DNASE1L3: variants seen among roughly 807,000 people sequenced by gnomAD.
DNASE1L3 encodes deoxyribonuclease 1L3, also known as deoxyribonuclease gamma.
In DNASE1L3, 27 loss-of-function variants were observed where a neutral mutation model predicts 30.9. The ratio of observed to expected loss-of-function variants is 0.87; its 90% CI spans 0.64 to 1.20. The LOEUF is 1.20. Among genes scored for constraint, DNASE1L3 ranks in the 50% most tolerant of loss-of-function variants. The probability of loss-of-function intolerance (pLI) is 0.00; values close to 1 mark genes in which losing one functional copy is unlikely to be tolerated. For synonymous variants in DNASE1L3, 135 were observed against 138.0 expected (o/e 0.98, Z 0.15); for missense variants, 364 against 378.2 (o/e 0.96, Z 0.31).
intron 7 of DNASE1L3, 162 bp downstream of exon 7, chr3:58,193,181 A>G (rs1004858817): frequency 4.2e-6 from 6 of 1,433,168 alleles, no homozygotes; most frequent in Admixed American, 2.4e-5. Context: ...GACTCAAGTG[A>G]TCCTCCCACC....
At chr3:58,202,076 C>G (rs2097401003) in intron 4 of DNASE1L3, among the ~76,000 whole-genome samples, 1 of 148,286 alleles carries the variant, frequency 6.7e-6, no homozygotes, top group South Asian at 2.2e-4. Context: ...TATCCCTCTT[C>G]TTTCTTTTTT....
At chr3:58,208,977 C>T (rs1465737993) in intron 1 of DNASE1L3, among the ~76,000 whole-genome samples, 1 of 152,134 alleles carries the variant, frequency 6.6e-6, no homozygotes, top group Non-Finnish European at 1.5e-5. Flanking sequence ...CGGTGGCTTA[C>T]GCCTGTAATA....
At chr3:58,202,107 A>G (rs1404747059) in intron 4 of DNASE1L3, among the ~76,000 whole-genome samples, 2 of 146,450 alleles carry the variant, frequency 1.4e-5, no homozygotes, top group African/African-American at 2.5e-5. Flanking sequence ...GAAAAATTGC[A>G]TATATTTATG....
At chr3:58,201,208 G>C in intron 4 of DNASE1L3, 99 bp from the exon 5 acceptor site, 1 of 861,878 alleles carries the variant, frequency 1.2e-6, no homozygotes, top group Non-Finnish European at 1.7e-6. Flanking sequence ...GAAGGCACAG[G>C]CTGCATTATC....
chr3:58,203,139 C>T (rs184265926), intron 4 of DNASE1L3, among the ~76,000 whole-genome samples: 61 of 152,290 alleles, frequency 4.0e-4, no homozygotes, highest in East Asian at 3.5e-3. Flanking sequence ...TCAACAGACA[C>T]GGGCTGTGGG....
intron 6 of DNASE1L3, among the ~76,000 whole-genome samples, chr3:58,196,763 C>G (rs560093210): frequency 4.8e-4 from 73 of 152,102 alleles, no homozygotes; most frequent in Non-Finnish European, 8.7e-4. Flanking sequence ...GGCACTCCCC[C>G]CTCTGTCCCC....
intron 2 of DNASE1L3, 48 bp downstream of exon 2, chr3:58,208,170 C>T: frequency 1.3e-6 from 2 of 1,581,848 alleles, no homozygotes; most frequent in Non-Finnish European, 1.7e-6. Flanking sequence ...TTCAGATGCC[C>T]TTGCACTTGA....
chr3:58,210,616 G>A, intron 1 of DNASE1L3, 150 bp downstream of exon 1: 2 of 1,217,972 alleles, frequency 1.6e-6, no homozygotes, highest in Non-Finnish European at 2.3e-6. Flanking sequence ...ACGGCAGGAG[G>A]TACAGAGAGT....
Position 58,201,119 on chromosome 3 carries a change from A to G in DNASE1L3, c.434-10T>C, listed in dbSNP as rs770360578. On this transcript the variant is annotated splice_polypyrimidine_tract_variant and intron_variant, in intron 4 of 7. Coordinates refer to ENST00000394549, the MANE Select transcript of DNASE1L3 (RefSeq NM_004944.4). ...ACGAAGTCTTTGACAGCTGAGAAAC[A>G]GGAAAGAGGCGGGGGTCACACACTT... 1.2e-6 allele frequency: 2 copies of G among 1,601,678 alleles called. No homozygotes were observed. Among genetic ancestry groups the G allele is most frequent in the East Asian group, 2.2e-5 (1 of 44,542 alleles).
At chr3:58,207,134 G>A (rs2097404537) in intron 2 of DNASE1L3, among the ~76,000 whole-genome samples, 2 of 152,160 alleles carry the variant, frequency 1.3e-5, no homozygotes, top group African/African-American at 4.8e-5. Context: ...ACTTTGGGAG[G>A]CTGAGAGGGG....
Position 58,200,979 on chromosome 3 carries a change from T to G in DNASE1L3, c.546+18A>C. On this transcript the variant is annotated intron_variant, in intron 5 of 7. Transcript: ENST00000394549. This position sits in a 1 kb window ranked among gnomAD's most constrained non-coding sequence, Gnocchi z 4.2. ...TGCCCCTGCTAGATGGGAATTCGTC[T>G]GACACAGCAGTCCTCACCTCCGCCT... 1 of 1,603,316 alleles carries G rather than the reference T, an allele frequency of 6.2e-7. No homozygotes were observed. Among genetic ancestry groups the G allele is most frequent in the Non-Finnish European group, 8.5e-7 (1 of 1,172,606 alleles).
intron 6 of DNASE1L3, 96 bp from the exon 7 acceptor site, chr3:58,193,535 A>G: frequency 9.2e-7 from 1 of 1,092,110 alleles, no homozygotes; most frequent in South Asian, 1.5e-5. Flanking sequence ...TTAACCGAGC[A>G]GTCTGGCCCT....
chr3:58,205,146 A>G (rs955692909), intron 3 of DNASE1L3, among the ~76,000 whole-genome samples: 1 of 152,230 alleles, frequency 6.6e-6, no homozygotes, highest in Admixed American at 6.5e-5. Flanking sequence ...TAGCAGGAAG[A>G]GGAAAAGAAT....
intron 6 of DNASE1L3, 91 bp from the exon 7 acceptor site, chr3:58,193,530 C>G: frequency 8.6e-7 from 1 of 1,167,358 alleles, no homozygotes; most frequent in South Asian, 1.4e-5. Flanking sequence ...TGGAATTAAC[C>G]GAGCAGTCTG....
Position 58,205,651 on chromosome 3 carries a change from C to A in DNASE1L3, c.231-91G>T. On this transcript the variant is annotated intron_variant, in intron 2 of 7. Coordinates refer to ENST00000394549, the MANE Select transcript of DNASE1L3 (RefSeq NM_004944.4). ...TCTTTCCAATCTGCCTCCATACGCC[C>A]AATGGCATCATGTGGAAGGGCCACT... 4 of 1,066,162 alleles carry A rather than the reference C, an allele frequency of 3.8e-6. 1 individual carries two copies. Among genetic ancestry groups the A allele is most frequent in the South Asian group, 1.3e-5 (1 of 76,082 alleles). 66.0% of individuals were successfully genotyped at this position (1,066,162 alleles called of 1,614,324 possible). A position where few individuals can be genotyped will look rare whatever the true frequency, so the allele number is the denominator to read the frequency against.
At chr3:58,206,037 A>T (rs2097403680) in intron 2 of DNASE1L3, among the ~76,000 whole-genome samples, 1 of 152,240 alleles carries the variant, frequency 6.6e-6, no homozygotes, top group African/African-American at 2.4e-5. Flanking sequence ...AGCATTTATG[A>T]TAAGCAGGAA....
In DNASE1L3 at chr3:58,192,970, AT is replaced by A; in HGVS notation, c.802-168del. 1 of 1,438,850 alleles carries A rather than the reference AT, an allele frequency of 6.9e-7. No homozygotes were observed. The highest frequency in any genetic ancestry group is 9.1e-7 in the Non-Finnish European group (1 of 1,103,744). 89.1% of individuals were successfully genotyped at this position (1,438,850 alleles called of 1,614,324 possible). A position where few individuals can be genotyped will look rare whatever the true frequency, so the allele number is the denominator to read the frequency against. ...CATTCCAAGACCAGCTCGATCAGAAATTTTGGAGGGGCCTCAAATCACAGAA... is the reference window on the plus strand; with the variant it reads ...CATTCCAAGACCAGCTCGATCAGAAATTTGGAGGGGCCTCAAATCACAGAA... On this transcript the variant is annotated intron_variant, in intron 7 of 7. Coordinates refer to ENST00000394549, the MANE Select transcript of DNASE1L3 (RefSeq NM_004944.4). This position sits in a 1 kb window ranked among gnomAD's most constrained non-coding sequence, Gnocchi z 4.8.
chr3:58,194,314 CTTTTTTTTTT>C (rs11358965), intron 6 of DNASE1L3, among the ~76,000 whole-genome samples: 2 of 89,064 alleles, frequency 2.2e-5, no homozygotes, highest in Non-Finnish European at 4.1e-5. Context: ...GCACAACTAA[CTTTTTTTTTT>C]TTTTTTTTTT....
intron 1 of DNASE1L3, among the ~76,000 whole-genome samples, chr3:58,209,406 G>A (rs2097406206): frequency 6.6e-6 from 1 of 152,246 alleles, no homozygotes; most frequent in African/African-American, 2.4e-5. Context: ...CGGGCCATGT[G>A]TGAAGTGGGG....
Sources: allele counts gnomAD v4.1 joint callset (sites outside exome capture counted in the v4.1 genomes callset), GRCh38; gene constraint gnomAD v4.1.1; non-coding constraint Gnocchi (gnomAD v3.1); transcripts MANE v1.5; gene names NCBI Gene and HGNC (gene_info 2026-07-23, HGNC 2026-07-21).